Variants in TENT4A observed in about 807,000 individuals in gnomAD.
TENT4A encodes the protein DNA polymerase kappa.
In TENT4A, 7 loss-of-function variants were observed where a neutral mutation model predicts 72.8. That is an observed-to-expected ratio of 0.10 (90% CI 0.05 to 0.18). The LOEUF is 0.18. TENT4A is among the 10% of genes least tolerant of loss of function. The probability of loss-of-function intolerance (pLI) is 1.00; values close to 1 mark genes in which losing one functional copy is unlikely to be tolerated. For missense variants in TENT4A, 831 were observed against 1,017.7 expected, an observed-to-expected ratio of 0.82 and a Z score of 2.50; for synonymous variants, 456 against 434.3, an observed-to-expected ratio of 1.05 and a Z score of -0.62.
chr5:6,739,608 G>A, intron 3 of TENT4A, 124 bp from the exon 4 acceptor site: 1 of 1,164,260 alleles, frequency 8.6e-7, no homozygotes, highest in South Asian at 1.5e-5. Context: ...CCATAGGCTA[G>A]TGGGATTGTG....
At chr5:6,742,360 C>T in intron 4 of TENT4A, 130 bp from the exon 5 acceptor site, 1 of 632,394 alleles carries the variant, frequency 1.6e-6, no homozygotes, top group Non-Finnish European at 2.9e-6. Flanking sequence ...CTGATGCTGA[C>T]AGTGTTCTCT....
At position 6,737,633 on chromosome 5, in the gene TENT4A, T is replaced by G; in HGVS notation, c.840T>G (p.Asp280Glu). 6.2e-7 allele frequency: 1 copy of G among 1,613,660 alleles called. No homozygotes were observed. Among genetic ancestry groups the G allele is most frequent in the Non-Finnish European group, 8.5e-7 (1 of 1,179,888 alleles). ...TVVKDLWPTA[D>E]VQIFGSFSTG... ...TGAAAGACCTTTGGCCGACGGCTGA[T>G]GTGAGTATGTTCTTTGGAGTTCTGT... Residue 280 changes from aspartate to glutamate, a missense_variant and splice_region_variant, in exon 2 of 13, where the codon GAT (aspartate) becomes GAG (glutamate). Physicochemically the swap from Asp to Glu is conservative, Grantham distance 45 (BLOSUM62 2). Transcript: ENST00000230859.
chr5:6,753,619 G>A (rs1343110028), intron 12 of TENT4A, among the ~76,000 whole-genome samples: 1 of 152,238 alleles, frequency 6.6e-6, no homozygotes, highest in East Asian at 1.9e-4. Flanking sequence ...GATTGGGAGA[G>A]CCATGGCGAG....
intron 1 of TENT4A, among the ~76,000 whole-genome samples, chr5:6,715,610 G>A (rs938466660): frequency 6.6e-6 from 1 of 152,186 alleles, no homozygotes; most frequent in Admixed American, 6.5e-5. Flanking sequence ...AACAATTAAG[G>A]ATTTGCTGGG....
At chr5:6,752,476 A>G (rs1268221472) in intron 11 of TENT4A, among the ~76,000 whole-genome samples, 2 of 152,256 alleles carry the variant, frequency 1.3e-5, no homozygotes, top group East Asian at 3.8e-4. Context: ...CAGGCAAGGA[A>G]GGAACTGCCA....
At chr5:6,748,674 A>C in intron 8 of TENT4A, 84 bp downstream of exon 8, 1 of 1,397,108 alleles carries the variant, frequency 7.2e-7, no homozygotes, top group Non-Finnish European at 9.9e-7. Flanking sequence ...ACCTCCATGA[A>C]ATTTATGAAG....
chr5:6,742,404 C>G, intron 4 of TENT4A, 86 bp from the exon 5 acceptor site: 2 of 835,338 alleles, frequency 2.4e-6, no homozygotes, highest in Non-Finnish European at 4.1e-6. Flanking sequence ...AAACACCAAA[C>G]CTCTGTACAG....
chr5:6,755,020 G>T lies in TENT4A; in HGVS notation c.*75G>T, dbSNP rs1046462487. The T allele has an allele frequency of 5.2e-6, 7 of 1,344,964 alleles. No homozygotes were observed. The highest frequency in any genetic ancestry group is 7.0e-6 in the Non-Finnish European group (7 of 1,005,710). The allele number at this position is 1,344,964 out of a possible 1,614,324, so 83.3% of individuals were successfully genotyped here. On this transcript the variant is annotated 3_prime_UTR_variant, in exon 13 of 13. Transcript: ENST00000230859. ...GGCCTCGGCCACCGGCAGGGGAACC[G>T]AGACCAGCACCCCGCACGTCAGCCG...
intron 4 of TENT4A, 86 bp from the exon 5 acceptor site, chr5:6,742,404 C>T: frequency 4.8e-6 from 4 of 835,338 alleles, no homozygotes; most frequent in East Asian, 5.1e-5. Context: ...AAACACCAAA[C>T]CTCTGTACAG....
intron 1 of TENT4A, among the ~76,000 whole-genome samples, chr5:6,728,134 G>C (rs1741027696): frequency 1.3e-5 from 2 of 152,270 alleles, no homozygotes; most frequent in South Asian, 2.1e-4. Context: ...TGCTGCCTGG[G>C]GTCTCACGGC....
intron 1 of TENT4A, among the ~76,000 whole-genome samples, chr5:6,728,852 A>G (rs1295387340): frequency 6.6e-6 from 1 of 152,248 alleles, no homozygotes; most frequent in Non-Finnish European, 1.5e-5. Context: ...TGACTTATTG[A>G]AGAAAATTTG....
chr5:6,728,800 G>A (rs961023466), intron 1 of TENT4A, among the ~76,000 whole-genome samples: 2 of 152,198 alleles, frequency 1.3e-5, no homozygotes, highest in Admixed American at 1.3e-4. Flanking sequence ...TAGTAAAACT[G>A]AAATTATTAC....
rs566512714 is a variant in TENT4A at position 6,724,755 on chromosome 5, A to C, written c.716+10056A>C. 4.6e-5 allele frequency among the ~76,000 whole-genome samples: 7 copies of C among 152,290 alleles called. No individual in the cohort carries two copies. The East Asian group carries it at 1.4e-3, about 29-fold the overall frequency. ...ACAGAGCCTCCCTTAATAGGTGGGG[A>C]CCTCAGCTTTTCCTCTGCTGCCATC... is the stretch of plus-strand genomic sequence containing the variant. On this transcript the variant is annotated intron_variant, in intron 1 of 12. Coordinates refer to ENST00000230859, the MANE Select transcript of TENT4A (RefSeq NM_006999.6).
At chr5:6,724,612 G>T (rs1272903051) in intron 1 of TENT4A, among the ~76,000 whole-genome samples, 1 of 152,286 alleles carries the variant, frequency 6.6e-6, no homozygotes, top group South Asian at 2.1e-4. Flanking sequence ...ACTATTCAGG[G>T]AGATGAAAGC....
chr5:6,746,238 A>G lies in TENT4A; in HGVS notation c.1270A>G (p.Arg424Gly). 3 of 1,614,220 alleles carry G rather than the reference A, an allele frequency of 1.9e-6. No homozygotes were observed. The highest frequency in any genetic ancestry group is 1.1e-5 in the South Asian group (1 of 91,082). Residue 424 changes from arginine (R) to glycine (G), a missense_variant, in exon 7 of 13, where the codon AGA becomes GGA. By Grantham distance (125) the Arg-to-Gly change is moderately radical. Around this residue, in one of 3 missense-constraint regions of TENT4A, gnomAD observed 197 missense variants for 399.6 expected, o/e 0.49. Coordinates refer to ENST00000230859, the MANE Select transcript of TENT4A (RefSeq NM_006999.6). ...LQLHPRIDAR[R>G]ADENLGMLLV... is the part of the protein sequence containing the mutation. ...GTTGCATCCAAGAATTGATGCCCGG[A>G]GAGCTGATGAAAACCTTGGAATGCT...
At chr5:6,729,301 T>C (rs1232664723) in intron 1 of TENT4A, among the ~76,000 whole-genome samples, 1 of 152,222 alleles carries the variant, frequency 6.6e-6, no homozygotes, top group East Asian at 1.9e-4. Flanking sequence ...TTTGGGAGGA[T>C]CTAGTGCAAA....
chr5:6,738,767 C>G (rs776297224), intron 3 of TENT4A, 38 bp downstream of exon 3: 1 of 1,476,590 alleles, frequency 6.8e-7, no homozygotes, highest in African/African-American at 1.4e-5. Flanking sequence ...TAGTGGGGGG[C>G]TGGGATGGTG....
In TENT4A at chr5:6,738,668, C is replaced by G. The variant is rs766595676; in HGVS notation, c.841-15C>G. ...TTTGTGGTATACATTTTAAGGCAAC[C>G]ACTCTTTCTTTCAGGTACAGATATT... On this transcript the variant is annotated splice_polypyrimidine_tract_variant and intron_variant, in intron 2 of 12. Coordinates refer to ENST00000230859, the MANE Select transcript of TENT4A (RefSeq NM_006999.6). 1 of 1,607,368 alleles carries G rather than the reference C, an allele frequency of 6.2e-7. No homozygotes were observed. Among genetic ancestry groups the G allele is most frequent in the South Asian group, 1.1e-5 (1 of 90,914 alleles).
chr5:6,744,916 G>A (rs923379266), intron 6 of TENT4A, among the ~76,000 whole-genome samples: 1 of 152,164 alleles, frequency 6.6e-6, no homozygotes, highest in Non-Finnish European at 1.5e-5. Context: ...TCATGCATGT[G>A]CCATGTGCCA....
Sources: gnomAD v4.1 joint callset for allele counts (sites outside exome capture counted in the v4.1 genomes callset) on GRCh38, gnomAD v4.1.1 for gene constraint, gnomAD v4.1.1 regional missense constraint, MANE v1.5 for transcripts, NCBI Gene and HGNC (gene_info 2026-07-23, HGNC 2026-07-21) for gene names.